SPSB2: variants seen among roughly 807,000 people sequenced by gnomAD.
SPSB2 encodes the protein SPRY domain-containing SOCS box protein 2.
Under a neutral mutation model 19.2 loss-of-function variants are expected in SPSB2, and 25 were observed. The observed-to-expected ratio is 1.30, with a 90% CI of 0.95 to 1.82. SPSB2 has a LOEUF of 1.82. Among genes scored for constraint, SPSB2 ranks in the 40% most tolerant of loss-of-function variants. The pLI, the probability that SPSB2 is intolerant of heterozygous loss-of-function variation, is 0.00. For synonymous variants in SPSB2, 153 were observed against 154.9 expected, an observed-to-expected ratio of 0.99 and a Z score of 0.09; for missense variants, 413 against 344.9, an observed-to-expected ratio of 1.20 and a Z score of -1.56.
rs797036601 is a variant in SPSB2, at chr12:6,871,625, G to C, written c.665-306C>G. ...TTGGGAGCTGGGGCTGAGGTGAGGA[G>C]GGATGGCCCTCCACTCTACAGCCCA... On this transcript the variant is annotated intron_variant, in intron 2 of 2. Transcript: ENST00000524270. The C allele has an allele frequency of 1.1e-4, 50 of 466,792 alleles. No homozygotes were observed. In the South Asian group the frequency reaches 1.3e-3, roughly 12 times the overall value. 28.9% of individuals were successfully genotyped at this position (466,792 alleles called of 1,614,324 possible).
Position 6,872,781 on chromosome 12 carries a change from C to A in SPSB2, c.121G>T (p.Gly41Trp), listed in dbSNP as rs141265707. 2.4e-5 allele frequency: 38 copies of A among 1,612,324 alleles called. No individual in the cohort carries two copies. Among genetic ancestry groups the A allele is most frequent in the Middle Eastern group, 1.6e-4 (1 of 6,084 alleles). ...ELLSAPPPDLGAQRRHGWNPK... is the reference protein window; with the variant it reads ...ELLSAPPPDLWAQRRHGWNPK... ...TTCCAACCGTGGCGCCGCTGGGCCC[C>A]CAGGTCAGGAGGGGGTGCAGACAGC... The change falls in exon 2 of 3, where the codon GGG becomes TGG. Residue 41 changes from glycine (G) to tryptophan (W), a missense_variant. Transcript: ENST00000524270.
At position 6,872,629 on chromosome 12, in the gene SPSB2, C is replaced by A; in HGVS notation, c.273G>T (p.Trp91Cys). The A allele has an allele frequency of 6.2e-7, 1 of 1,611,058 alleles. No individual in the cohort carries two copies. Among genetic ancestry groups the A allele is most frequent in the Non-Finnish European group, 8.5e-7 (1 of 1,179,878 alleles). Residue 91 changes from tryptophan to cysteine, a missense_variant, in exon 2 of 3, where the codon TGG becomes TGT. By Grantham distance (215) the Trp-to-Cys change is radical. Transcript: ENST00000524270. Reference protein sequence around the residue: ...KRGYSRGLHAWEISWPLEQRG... With the variant: ...KRGYSRGLHACEISWPLEQRG... ...TCTGCTCTAGGGGCCAGCTGATCTCCCAGGCGTGCAGGCCCCTTGAATAGC... is the reference window on the plus strand; with the variant it reads ...TCTGCTCTAGGGGCCAGCTGATCTCACAGGCGTGCAGGCCCCTTGAATAGC...
chr12:6,871,093 C>T lies in SPSB2; in HGVS notation c.*99G>A, dbSNP rs2138098078. 6.8e-7 allele frequency: 1 copy of T among 1,481,178 alleles called. No individual in the cohort carries two copies. The highest frequency in any genetic ancestry group is 2.0e-5 in the Admixed American group (1 of 50,056). The allele number at this position is 1,481,178 out of a possible 1,614,324, so 91.8% of individuals were successfully genotyped here. Reference sequence around the variant, plus strand: ...GGGTTGGGGTAGGGGCTCAGCCTCACCAGCTTTCAGCAGCTGGTCTAGGCC... The same window carrying T: ...GGGTTGGGGTAGGGGCTCAGCCTCATCAGCTTTCAGCAGCTGGTCTAGGCC... On this transcript the variant is annotated 3_prime_UTR_variant, in exon 3 of 3. Transcript: ENST00000524270.
Position 6,872,286 on chromosome 12 carries a change from C to G in SPSB2, c.616G>C (p.Val206Leu). 1 of 1,614,194 alleles carries G rather than the reference C, an allele frequency of 6.2e-7. No homozygotes were observed. The highest frequency in any genetic ancestry group is 1.3e-5 in the African/African-American group (1 of 75,064). ...GRTLYPAVSA[V>L]WGQCQVRIRY... is the part of the protein sequence containing the mutation. Reference sequence around the variant, plus strand: ...ATGCGGACCTGGCACTGGCCCCAGACAGCGCTTACTGCCGGATAGAGGGTC... The same window carrying G: ...ATGCGGACCTGGCACTGGCCCCAGAGAGCGCTTACTGCCGGATAGAGGGTC... The change falls in exon 2 of 3, where the codon GTC becomes CTC. Residue 206 changes from valine to leucine, a missense_variant. Val to Leu is a conservative substitution (Grantham distance 32). Coordinates refer to ENST00000524270, the MANE Select transcript of SPSB2 (RefSeq NM_032641.4).
chr12:6,871,092 A>G lies in SPSB2; in HGVS notation c.*100T>C, dbSNP rs1435952841. 8.2e-6 allele frequency: 12 copies of G among 1,470,826 alleles called. No homozygotes were observed. The Admixed American group carries it at 2.2e-4, about 27-fold the overall frequency. 91.1% of individuals were successfully genotyped at this position (1,470,826 alleles called of 1,614,324 possible). ...TGGGTTGGGGTAGGGGCTCAGCCTC[A>G]CCAGCTTTCAGCAGCTGGTCTAGGC... is the stretch of plus-strand genomic sequence containing the variant. On this transcript the variant is annotated 3_prime_UTR_variant, in exon 3 of 3. Coordinates refer to ENST00000524270, the MANE Select transcript of SPSB2 (RefSeq NM_032641.4).
chr12:6,872,492 C>T lies in SPSB2; in HGVS notation c.410G>A (p.Arg137Gln), dbSNP rs143198615. Residue 137 changes from arginine (R) to glutamine (Q), a missense_variant, in exon 2 of 3, where the codon CGG becomes CAG. Physicochemically the swap from Arg to Gln is conservative, Grantham distance 43 (BLOSUM62 1). Transcript: ENST00000524270. ...CTTGCTCTGATGGTACAGCTTCCCCCGCCCGATGTCCCAGCCCCACGACTC... is the reference window on the plus strand; with the variant it reads ...CTTGCTCTGATGGTACAGCTTCCCCTGCCCGATGTCCCAGCCCCACGACTC... ...NSESWGWDIG[R>Q]GKLYHQSKGP... The T allele has an allele frequency of 6.2e-6, 10 of 1,613,022 alleles. No homozygotes were observed. Among genetic ancestry groups the T allele is most frequent in the African/African-American group, 5.3e-5 (4 of 75,068 alleles).
At chr12:6,871,413 T>C (rs1944592150) in intron 2 of SPSB2, 94 bp from the exon 3 acceptor site, 11 of 1,387,286 alleles carry the variant, frequency 7.9e-6, no homozygotes, top group Middle Eastern at 1.9e-4. Context: ...CTTTCTGCTT[T>C]CCTGCTTCGA....
rs782431088 is a variant in SPSB2 at position 6,872,611 on chromosome 12, T to C, written c.291A>G (p.Leu97=). The change falls in exon 2 of 3, where the codon CTA becomes CTG. Residue 97 remains leucine, a synonymous_variant. Transcript: ENST00000524270. ...GLHAWEISWP[L]EQRGTHAVVG... ...CCACGGCATGCGTGCCCCTCTGCTC[T>C]AGGGGCCAGCTGATCTCCCAGGCGT... 3.0e-5 allele frequency: 49 copies of C among 1,609,696 alleles called. No homozygotes were observed. The highest frequency in any genetic ancestry group is 4.1e-5 in the Non-Finnish European group (48 of 1,179,636).
Position 6,872,378 on chromosome 12 carries a change from T to C in SPSB2, c.524A>G (p.Glu175Gly). The C allele has an allele frequency of 6.2e-7, 1 of 1,614,114 alleles. No homozygotes were observed. Among genetic ancestry groups the C allele is most frequent in the East Asian group, 2.2e-5 (1 of 44,876 alleles). ...CCCAATAGCGTAGCCCAGAGTTCCC[T>C]CCTCCATGTCCAGAACCACCAGCAG... Reference protein sequence around the residue: ...ERLLVVLDMEEGTLGYAIGGT... With the variant: ...ERLLVVLDMEGGTLGYAIGGT... The change falls in exon 2 of 3, where the codon GAG becomes GGG. Residue 175 changes from glutamate (E) to glycine (G), a missense_variant. Transcript: ENST00000524270.
chr12:6,871,811 A>C, intron 2 of SPSB2: 1 of 453,932 alleles, frequency 2.2e-6, no homozygotes, highest in East Asian at 3.9e-5. Context: ...GGAAGGAAGT[A>C]GGTATGTGGC....
Position 6,870,983 on chromosome 12 carries a change from G to A in SPSB2, c.*209C>T, listed in dbSNP as rs572293654. On this transcript the variant is annotated 3_prime_UTR_variant, in exon 3 of 3. Coordinates refer to ENST00000524270, the MANE Select transcript of SPSB2 (RefSeq NM_032641.4). Reference sequence around the variant, plus strand: ...ATTTTTACTTGAAAAAATGTTTTGCGTAGCAGACTGTCATAGCCTTGAACG... The same window carrying A: ...ATTTTTACTTGAAAAAATGTTTTGCATAGCAGACTGTCATAGCCTTGAACG... 1.6e-4 allele frequency: 108 copies of A among 686,710 alleles called. No individual in the cohort carries two copies. The highest frequency in any genetic ancestry group is 2.0e-4 in the Non-Finnish European group (75 of 383,886). The allele number at this position is 686,710 out of a possible 1,614,324, so 42.5% of individuals were successfully genotyped here.
chr12:6,871,301 A>C lies in SPSB2; in HGVS notation c.683T>G (p.Leu228Arg). The change falls in exon 3 of 3, where the codon CTG (leucine) becomes CGG (arginine). Residue 228 changes from leucine to arginine, a missense_variant. By Grantham distance (102) the Leu-to-Arg change is moderately radical (BLOSUM62 -2). Transcript: ENST00000524270. ...GERRAEPHSL[L>R]HLSRLCVRHN... ...GCGCACACACAGGCGGCTCAGGTGC[A>C]GAAGGGAGTGTGGCTCCGCTGGGAG... 3 of 1,613,746 alleles carry C rather than the reference A, an allele frequency of 1.9e-6. No individual in the cohort carries two copies. The highest frequency in any genetic ancestry group is 1.7e-6 in the Non-Finnish European group (2 of 1,179,946).
chr12:6,871,730 G>C (rs1944598156), intron 2 of SPSB2: 1 of 347,532 alleles, frequency 2.9e-6, no homozygotes, highest in Non-Finnish European at 5.3e-6. Flanking sequence ...CCACCCTAAG[G>C]CCCTGCCTCC....
chr12:6,872,576 G>A lies in SPSB2; in HGVS notation c.326C>T (p.Ala109Val). 6.2e-7 allele frequency: 1 copy of A among 1,608,214 alleles called. No homozygotes were observed. The highest frequency in any genetic ancestry group is 8.5e-7 in the Non-Finnish European group (1 of 1,178,924). The change falls in exon 2 of 3, where the codon GCC becomes GTC. Residue 109 changes from alanine (A) to valine (V), a missense_variant. Ala to Val is a moderately conservative substitution (Grantham distance 64, BLOSUM62 0). Coordinates refer to ENST00000524270, the MANE Select transcript of SPSB2 (RefSeq NM_032641.4). ...QRGTHAVVGVATALAPLQTDH... is the reference protein window; with the variant it reads ...QRGTHAVVGVVTALAPLQTDH... ...AGTCTGCAGCGGGGCGAGGGCCGTG[G>A]CCACGCCCACCACGGCATGCGTGCC...
chr12:6,871,827 G>A (rs1197567698), intron 2 of SPSB2: 4 of 518,176 alleles, frequency 7.7e-6, no homozygotes, highest in Non-Finnish European at 1.3e-5. Flanking sequence ...GTGGCACAGA[G>A]ACAGGTTAGA....
chr12:6,870,940 A>G lies in SPSB2; in HGVS notation c.*252T>C, dbSNP rs1055060. ...AAAAAAAAAACAAGAACAGGTTTCT[A>G]TAACAACATCTCTTACTATTTTTAC... On this transcript the variant is annotated 3_prime_UTR_variant, in exon 3 of 3. Coordinates refer to ENST00000524270, the MANE Select transcript of SPSB2 (RefSeq NM_032641.4). 1.1e-4 allele frequency: 76 copies of G among 674,858 alleles called. No individual in the cohort carries two copies. Among genetic ancestry groups the G allele is most frequent in the African/African-American group, 1.1e-3 (60 of 55,870 alleles). The allele number at this position is 674,858 out of a possible 1,614,324, so 41.8% of individuals were successfully genotyped here.
In SPSB2 at chr12:6,873,004, G is replaced by C. The variant is rs1419403182; in HGVS notation, c.-96-7C>G. 5 of 788,970 alleles carry C rather than the reference G, an allele frequency of 6.3e-6. No individual in the cohort carries two copies. Among genetic ancestry groups the C allele is most frequent in the Non-Finnish European group, 1.0e-5 (5 of 501,074 alleles). The allele number at this position is 788,970 out of a possible 1,614,324, so 48.9% of individuals were successfully genotyped here. A position where few individuals can be genotyped will look rare whatever the true frequency, so the allele number is the denominator to read the frequency against. On this transcript the variant is annotated splice_region_variant and splice_polypyrimidine_tract_variant and intron_variant, in intron 1 of 2. Transcript: ENST00000524270. ...GGATTGACCTGGAAGGGAGCTGGGA[G>C]AAAAGGGGCGTGAAGAGCAGAATCC...
chr12:6,873,164 A>T, intron 1 of SPSB2, 82 bp downstream of exon 1: 1 of 425,290 alleles, frequency 2.4e-6, no homozygotes, highest in Non-Finnish European at 4.2e-6. Context: ...GTCGCCAGAG[A>T]CTCTCGCGAG....
At chr12:6,871,812 G>C in intron 2 of SPSB2, 2 of 465,896 alleles carry the variant, frequency 4.3e-6, no homozygotes, top group Non-Finnish European at 7.5e-6. Context: ...GAAGGAAGTA[G>C]GTATGTGGCA....
Sources: gnomAD v4.1 joint callset for allele counts on GRCh38, gnomAD v4.1.1 for gene constraint, MANE v1.5 for transcripts, NCBI Gene and HGNC (gene_info 2026-07-23, HGNC 2026-07-21) for gene names.